The following KIAA1549L variants were observed in gnomAD, a reference collection of about 807,000 sequenced individuals.
KIAA1549L encodes UPF0606 protein KIAA1549L.
Under a neutral mutation model 160.7 loss-of-function variants are expected in KIAA1549L, and 88 were observed. That is an observed-to-expected ratio of 0.55 (90% CI 0.46 to 0.65). The LOEUF (loss-of-function observed/expected upper bound fraction) is 0.65. Among genes scored for constraint, KIAA1549L ranks in the 30% least tolerant of loss-of-function variants. The pLI, the probability that KIAA1549L is intolerant of heterozygous loss-of-function variation, is 0.00. For missense variants in KIAA1549L, 2,258 were observed against 2,437.5 expected (o/e 0.93, Z 1.55); for synonymous variants, 950 against 976.7 (o/e 0.97, Z 0.51).
rs1852663673 is a variant in KIAA1549L at position 33,671,177 on chromosome 11, T to C, written c.*3023T>C. On this transcript the variant is annotated 3_prime_UTR_variant, in exon 21 of 21. Transcript: ENST00000658780. ...ATGAAAAAGAAATGCATTTTGGCTT[T>C]TTCCAGAAAGAGTACCATCAAGGAA... 6.6e-6 allele frequency: 1 copy of C among 152,240 alleles called. No individual in the cohort carries two copies. The highest frequency in any genetic ancestry group is 1.5e-5 in the Non-Finnish European group (1 of 68,050). The allele number at this position is 152,240 out of a possible 1,614,324, so 9.4% of individuals were successfully genotyped here.
intron 1 of KIAA1549L, among the ~76,000 whole-genome samples, chr11:33,455,906 C>T (rs949479050): frequency 1.3e-5 from 2 of 152,194 alleles, no homozygotes; most frequent in Non-Finnish European, 2.9e-5. Context: ...TTCTTTCTCA[C>T]ATACATGTTC....
chr11:33,545,264 C>G lies in KIAA1549L; in HGVS notation c.3271C>G (p.Arg1091Gly), dbSNP rs551017269. ...GAAGGCCACCCGGTTGCCACCATTG[C>G]GAGCAGAAAACACAGATGCTGTCCT... is the stretch of plus-strand genomic sequence containing the variant. Reference protein sequence around the residue: ...SVKATRLPPLRAENTDAVLPA... With the variant: ...SVKATRLPPLGAENTDAVLPA... Residue 1091 changes from arginine (R) to glycine (G), a missense_variant, in exon 3 of 21, where the codon CGA becomes GGA. Coordinates refer to ENST00000658780, the MANE Select transcript of KIAA1549L (RefSeq NM_012194.3). The G allele has an allele frequency of 1.2e-6, 2 of 1,613,840 alleles. No individual in the cohort carries two copies. The highest frequency in any genetic ancestry group is 1.1e-5 in the South Asian group (1 of 91,090).
intron 18 of KIAA1549L, among the ~76,000 whole-genome samples, chr11:33,656,509 C>T (rs1164977656): frequency 2.0e-5 from 3 of 152,202 alleles, no homozygotes; most frequent in Admixed American, 6.5e-5. Context: ...GCATCCACCC[C>T]AACTCTTGAC....
chr11:33,534,064 C>T (rs190063473), intron 1 of KIAA1549L, among the ~76,000 whole-genome samples: 163 of 152,216 alleles, frequency 1.1e-3, no homozygotes, highest in Non-Finnish European at 1.5e-3. Context: ...GTCTGTCTCC[C>T]TCTCATATGT....
At chr11:33,441,461 G>A (rs1172792478) in intron 1 of KIAA1549L, among the ~76,000 whole-genome samples, 2 of 145,304 alleles carry the variant, frequency 1.4e-5, no homozygotes, top group Admixed American at 1.4e-4. Flanking sequence ...GGGTCAAATG[G>A]TATTTCTAGT....
At chr11:33,402,471 C>T (rs943166706) in intron 1 of KIAA1549L, among the ~76,000 whole-genome samples, 1 of 152,158 alleles carries the variant, frequency 6.6e-6, no homozygotes, top group Non-Finnish European at 1.5e-5. Context: ...TCTGTACTTT[C>T]GCCTAAGTCT....
chr11:33,534,682 T>C (rs201331956), intron 1 of KIAA1549L, among the ~76,000 whole-genome samples: 1 of 152,202 alleles, frequency 6.6e-6, no homozygotes, highest in African/African-American at 2.4e-5. Flanking sequence ...AGCTCTGTTT[T>C]CTCTTTAAAT....
At chr11:33,470,662 A>T (rs113312306) in intron 1 of KIAA1549L, among the ~76,000 whole-genome samples, 1 of 151,986 alleles carries the variant, frequency 6.6e-6, no homozygotes, top group Non-Finnish European at 1.5e-5. Flanking sequence ...GCTGGTCTTG[A>T]ACTCTTGAGT....
chr11:33,526,419 C>G (rs1263145129), intron 1 of KIAA1549L, among the ~76,000 whole-genome samples: 6 of 152,226 alleles, frequency 3.9e-5, no homozygotes, highest in Non-Finnish European at 7.3e-5. Context: ...ACAGAGTCCA[C>G]TTCACTCCCC....
intron 1 of KIAA1549L, among the ~76,000 whole-genome samples, chr11:33,476,615 A>G (rs1852290817): frequency 6.6e-6 from 1 of 152,088 alleles, no homozygotes; most frequent in Non-Finnish European, 1.5e-5. Flanking sequence ...CGTAGCTCCT[A>G]CACTTCAGCT....
At chr11:33,486,700 G>A (rs764165542) in intron 1 of KIAA1549L, among the ~76,000 whole-genome samples, 5 of 152,000 alleles carry the variant, frequency 3.3e-5, no homozygotes, top group Non-Finnish European at 4.4e-5. Flanking sequence ...CATTGCCTAC[G>A]TCTAGCCATT....
At chr11:33,625,467 G>A (rs1469284069) in intron 16 of KIAA1549L, among the ~76,000 whole-genome samples, 1 of 152,272 alleles carries the variant, frequency 6.6e-6, no homozygotes, top group Non-Finnish European at 1.5e-5. Context: ...GGTGTGAGAT[G>A]GTATCTCATT....
At chr11:33,492,016 A>T (rs981332989) in intron 1 of KIAA1549L, among the ~76,000 whole-genome samples, 1 of 152,126 alleles carries the variant, frequency 6.6e-6, no homozygotes, top group African/African-American at 2.4e-5. Context: ...TGGGTTACCA[A>T]CCCTCTCAAA....
chr11:33,664,856 T>C (rs1852387362), intron 20 of KIAA1549L, among the ~76,000 whole-genome samples: 1 of 152,182 alleles, frequency 6.6e-6, no homozygotes, highest in Non-Finnish European at 1.5e-5. Context: ...GACTTCCTGC[T>C]CCATCCTCCC....
intron 1 of KIAA1549L, among the ~76,000 whole-genome samples, chr11:33,442,685 C>T (rs1033885892): frequency 6.6e-6 from 1 of 152,082 alleles, no homozygotes; most frequent in Non-Finnish European, 1.5e-5. Context: ...TATCATGCTT[C>T]TTTAATCTGA....
chr11:33,480,704 C>G (rs1852393492), intron 1 of KIAA1549L, among the ~76,000 whole-genome samples: 1 of 152,158 alleles, frequency 6.6e-6, no homozygotes. Flanking sequence ...TCCTGGTGGG[C>G]CATTTGAAAG....
intron 11 of KIAA1549L, among the ~76,000 whole-genome samples, chr11:33,589,869 G>A (rs1849996133): frequency 6.6e-6 from 1 of 152,132 alleles, no homozygotes; most frequent in Non-Finnish European, 1.5e-5. Flanking sequence ...TATGTAACCT[G>A]CATGTTTTGC....
intron 11 of KIAA1549L, among the ~76,000 whole-genome samples, chr11:33,589,461 A>G (rs1307526629): frequency 6.6e-6 from 1 of 152,234 alleles, no homozygotes; most frequent in African/African-American, 2.4e-5. Context: ...ACACATGCAT[A>G]CGTATGTTTA....
rs556580592 is a variant in KIAA1549L, at chr11:33,542,701, G to T, written c.1138G>T (p.Ala380Ser). The T allele has an allele frequency of 2.5e-6, 4 of 1,613,970 alleles. No individual in the cohort carries two copies. In the African/African-American group the frequency reaches 5.3e-5, roughly 22 times the overall value. ...GSPSWSMLEVASGPASTQQIK... is the reference protein window; with the variant it reads ...GSPSWSMLEVSSGPASTQQIK... ...CCCCTCATGGTCAATGTTGGAAGTGGCTTCAGGTCCTGCATCCACCCAGCA... is the reference window on the plus strand; with the variant it reads ...CCCCTCATGGTCAATGTTGGAAGTGTCTTCAGGTCCTGCATCCACCCAGCA... Residue 380 changes from alanine to serine, a missense_variant, in exon 2 of 21, where the codon GCT (alanine) becomes TCT (serine). Physicochemically the swap from Ala to Ser is moderately conservative, Grantham distance 99. Transcript: ENST00000658780.
Sources: allele counts gnomAD v4.1 joint callset (sites outside exome capture counted in the v4.1 genomes callset), GRCh38; gene constraint gnomAD v4.1.1; transcripts MANE v1.5; gene names NCBI Gene and HGNC (gene_info 2026-07-23, HGNC 2026-07-21).